The following SLC16A9 variants were observed in gnomAD, a reference collection of about 807,000 sequenced individuals.
The protein encoded by SLC16A9 is solute carrier family 16 member 9.
Under a neutral mutation model 44.3 loss-of-function variants are expected in SLC16A9, and 26 were observed. The observed-to-expected ratio is 0.59, with a 90% CI of 0.43 to 0.81. The LOEUF is 0.81. SLC16A9 is among the 40% of genes least tolerant of loss of function. The probability of loss-of-function intolerance (pLI) is 0.00; values close to 1 mark genes in which losing one functional copy is unlikely to be tolerated. For synonymous variants in SLC16A9, 230 were observed against 225.1 expected, an observed-to-expected ratio of 1.02 and a Z score of -0.19; for missense variants, 559 against 595.8, an observed-to-expected ratio of 0.94 and a Z score of 0.64.
intron 1 of SLC16A9, among the ~76,000 whole-genome samples, chr10:59,703,364 C>T (rs1840566955): frequency 6.6e-6 from 1 of 152,224 alleles, no homozygotes; most frequent in Admixed American, 6.5e-5. Context: ...AAGCAATTCT[C>T]CTATCATGGC....
At chr10:59,686,091 G>A (rs757979304) in intron 1 of SLC16A9, among the ~76,000 whole-genome samples, 14 of 151,618 alleles carry the variant, frequency 9.2e-5, no homozygotes, top group South Asian at 2.1e-4. Context: ...GTCGTGTACC[G>A]TTTTGGAGAT....
chr10:59,654,161 A>G lies in SLC16A9; in HGVS notation c.865T>C (p.Leu289=). The part of the protein sequence containing the change: ...CKQLAKRKWQ[L]YKNYCGETVA... ...GTTTCACCACAGTAGTTTTTATATA[A>G]CTGCCACTTCCTCTTGGCAAGCTGT... Residue 289 remains leucine, a synonymous_variant, in exon 5 of 6, where the codon TTA becomes CTA. Coordinates refer to ENST00000395348, the MANE Select transcript of SLC16A9 (RefSeq NM_194298.3). 1 of 1,614,066 alleles carries G rather than the reference A, an allele frequency of 6.2e-7. No individual in the cohort carries two copies. Among genetic ancestry groups the G allele is most frequent in the Admixed American group, 1.7e-5 (1 of 60,010 alleles).
intron 3 of SLC16A9, among the ~76,000 whole-genome samples, chr10:59,670,319 T>C (rs1042481765): frequency 9.2e-5 from 14 of 152,216 alleles, no homozygotes; most frequent in Non-Finnish European, 2.9e-5. Flanking sequence ...AGAGGCTGAA[T>C]AATTTTTCAG....
rs548884455 is a variant in SLC16A9, at chr10:59,671,762, T to A, written c.340+1008A>T. Among the ~76,000 whole-genome samples, 6 of 151,202 alleles carry A rather than the reference T, an allele frequency of 4.0e-5. No homozygotes were observed. In the South Asian group the frequency reaches 8.4e-4, roughly 21 times the overall value. ...AATCCCATATAAATGGACTACTGAG[T>A]GTCAGACTGAGCATCTCTAAGTATC... On this transcript the variant is annotated intron_variant, in intron 3 of 5. Coordinates refer to ENST00000395348, the MANE Select transcript of SLC16A9 (RefSeq NM_194298.3).
At chr10:59,672,640 G>C in intron 3 of SLC16A9, 130 bp downstream of exon 3, 20 of 939,786 alleles carry the variant, frequency 2.1e-5, no homozygotes, top group Non-Finnish European at 3.0e-5. Flanking sequence ...TTTTGGAGAA[G>C]TGGTTATTGA....
At chr10:59,696,023 T>C (rs903201550) in intron 1 of SLC16A9, among the ~76,000 whole-genome samples, 81 of 152,160 alleles carry the variant, frequency 5.3e-4, no homozygotes, top group Non-Finnish European at 5.7e-4. Context: ...AATGTTAAGA[T>C]CAGAGGCGGT....
At chr10:59,693,433 GAAAAGA>G (rs1032345251) in intron 1 of SLC16A9, among the ~76,000 whole-genome samples, 4 of 151,886 alleles carry the variant, frequency 2.6e-5, no homozygotes, top group African/African-American at 9.7e-5. Flanking sequence ...AGTTTTTAAG[GAAAAGA>G]AAAAGAATCC....
chr10:59,673,156 C>T (rs1839789974), intron 2 of SLC16A9, among the ~76,000 whole-genome samples: 1 of 152,070 alleles, frequency 6.6e-6, no homozygotes, highest in Non-Finnish European at 1.5e-5. Context: ...ATGATATTAT[C>T]ACATAGGTAA....
intron 5 of SLC16A9, among the ~76,000 whole-genome samples, chr10:59,653,425 C>A (rs1445603287): frequency 5.4e-4 from 20 of 36,774 alleles, no homozygotes; most frequent in South Asian, 2.5e-3. Flanking sequence ...AACTCCGTCT[C>A]AAAAAAAAAA....
Position 59,672,922 on chromosome 10 carries a change from A to C in SLC16A9, c.197-9T>G. On this transcript the variant is annotated splice_polypyrimidine_tract_variant and intron_variant, in intron 2 of 5. Transcript: ENST00000395348. Reference sequence around the variant, plus strand: ...GAGACTGCAGACAGGACCTAAAAAAAGAAATGAAACCTTCACTTATTATCA... The same window carrying C: ...GAGACTGCAGACAGGACCTAAAAAACGAAATGAAACCTTCACTTATTATCA... 6.3e-7 allele frequency: 1 copy of C among 1,597,372 alleles called. No individual in the cohort carries two copies. The highest frequency in any genetic ancestry group is 1.7e-4 in the Middle Eastern group (1 of 5,972).
intron 1 of SLC16A9, among the ~76,000 whole-genome samples, chr10:59,705,270 AAAAC>A (rs901493636): frequency 7.2e-5 from 11 of 152,196 alleles, no homozygotes; most frequent in African/African-American, 2.7e-4. Context: ...AAAGAAAAAA[AAAAC>A]AGAGAAACAG....
chr10:59,699,153 C>A (rs1840466357), intron 1 of SLC16A9, among the ~76,000 whole-genome samples: 1 of 152,152 alleles, frequency 6.6e-6, no homozygotes, highest in African/African-American at 2.4e-5. Flanking sequence ...CAGGAAAACC[C>A]CTGAGAAGAT....
chr10:59,662,633 CAAAAAAAA>C lies in SLC16A9; in HGVS notation c.436+1586_436+1593del, dbSNP rs71006278. Among the ~76,000 whole-genome samples the C allele has an allele frequency of 1.6e-4, 7 of 43,632 alleles. No homozygotes were observed. The Admixed American group carries it at 1.9e-3, about 12-fold the overall frequency. 28.6% of individuals were successfully genotyped at this position (43,632 alleles called of 152,430 possible). ...TAGGCAAAAGAGCAAAACTCCATCTCAAAAAAAAAAAAAAAAAAAAGAAAAGAAAAAAA... is the reference window on the plus strand; with the variant it reads ...TAGGCAAAAGAGCAAAACTCCATCTCAAAAAAAAAAAAGAAAAGAAAAAAA... On this transcript the variant is annotated intron_variant, in intron 4 of 5. Coordinates refer to ENST00000395348, the MANE Select transcript of SLC16A9 (RefSeq NM_194298.3).
rs907270766 is a variant in SLC16A9 at position 59,665,628 on chromosome 10, A to C, written c.341-1306T>G. Among the ~76,000 whole-genome samples the C allele has an allele frequency of 2.0e-5, 3 of 152,332 alleles. No individual in the cohort carries two copies. The East Asian group carries it at 5.8e-4, about 29-fold the overall frequency. Reference sequence around the variant, plus strand: ...TAGTTGTCATTACTACACAGAGGACACTTCAAAACATGAAATAAGAACTGT... The same window carrying C: ...TAGTTGTCATTACTACACAGAGGACCCTTCAAAACATGAAATAAGAACTGT... On this transcript the variant is annotated intron_variant, in intron 3 of 5. Coordinates refer to ENST00000395348, the MANE Select transcript of SLC16A9 (RefSeq NM_194298.3).
intron 1 of SLC16A9, among the ~76,000 whole-genome samples, chr10:59,692,639 A>T (rs1219693657): frequency 6.6e-6 from 1 of 152,218 alleles, no homozygotes; most frequent in African/African-American, 2.4e-5. Context: ...ACTCCAATGT[A>T]GGTAACAAGT....
At chr10:59,671,758 T>C (rs1300408649) in intron 3 of SLC16A9, among the ~76,000 whole-genome samples, 1 of 151,830 alleles carries the variant, frequency 6.6e-6, no homozygotes, top group Non-Finnish European at 1.5e-5. Context: ...AATGGACTAC[T>C]GAGTGTCAGA....
At chr10:59,688,530 T>C (rs1433097484) in intron 1 of SLC16A9, among the ~76,000 whole-genome samples, 1 of 152,106 alleles carries the variant, frequency 6.6e-6, no homozygotes. Flanking sequence ...CAGAAACTTT[T>C]GTAGTAATCA....
At chr10:59,704,324 C>G (rs1032677818) in intron 1 of SLC16A9, among the ~76,000 whole-genome samples, 9 of 152,184 alleles carry the variant, frequency 5.9e-5, no homozygotes, top group African/African-American at 1.9e-4. Context: ...ATTTATGATG[C>G]CTGTCTCATC....
chr10:59,655,482 G>A (rs1839329430), intron 4 of SLC16A9, among the ~76,000 whole-genome samples: 1 of 152,170 alleles, frequency 6.6e-6, no homozygotes. Context: ...CAAATCCATT[G>A]CTGAATCACC....
Sources: allele counts gnomAD v4.1 joint callset (sites outside exome capture counted in the v4.1 genomes callset), GRCh38; gene constraint gnomAD v4.1.1; transcripts MANE v1.5; gene names NCBI Gene and HGNC (gene_info 2026-07-23, HGNC 2026-07-21).